SERPINA1: variants seen among roughly 807,000 people sequenced by gnomAD.
SERPINA1 encodes the protein serpin family A member 1.
A neutral mutation model predicts 25.4 loss-of-function variants in SERPINA1; 21 were observed. That is an observed-to-expected ratio of 0.83 (90% CI 0.59 to 1.19). SERPINA1 has a LOEUF of 1.19. SERPINA1 is among the 50% of genes most tolerant of loss of function. The pLI is 0.00. For synonymous variants in SERPINA1, 218 were observed against 211.1 expected, an observed-to-expected ratio of 1.03 and a Z score of -0.29; for missense variants, 546 against 509.0, an observed-to-expected ratio of 1.07 and a Z score of -0.70.
intron 4 of SERPINA1, 74 bp from the exon 5 acceptor site, chr14:94,378,714 C>G: frequency 6.8e-7 from 1 of 1,461,026 alleles, no homozygotes; most frequent in South Asian, 1.2e-5. Flanking sequence ...TGGACACCTC[C>G]CAGGAAGCGC....
At chr14:94,380,388 C>G (rs536083509) in intron 3 of SERPINA1, among the ~76,000 whole-genome samples, 6 of 152,372 alleles carry the variant, frequency 3.9e-5, no homozygotes, top group African/African-American at 1.4e-4. Flanking sequence ...GAAACGCAAG[C>G]CTTCTGCGAA....
rs2230075 is a variant in SERPINA1, at chr14:94,380,969, G to A, written c.819C>T (p.Thr273=). Residue 273 remains threonine, a synonymous_variant, in exon 3 of 5, where the codon ACC becomes ACT. Coordinates refer to ENST00000393087, the MANE Select transcript of SERPINA1 (RefSeq NM_000295.5). The part of the protein sequence containing the change: ...VLLMKYLGNA[T]AIFFLPDEGK... ...CCTCATCAGGCAGGAAGAAGATGGC[G>A]GTGGCATTGCCCAGGTATTTCATCA... 1.7e-5 allele frequency: 28 copies of A among 1,614,158 alleles called. No individual in the cohort carries two copies. The highest frequency in any genetic ancestry group is 2.1e-5 in the Non-Finnish European group (25 of 1,180,028).
intron 1 of SERPINA1, among the ~76,000 whole-genome samples, chr14:94,384,297 G>A (rs1484328583): frequency 6.6e-6 from 1 of 152,152 alleles, no homozygotes; most frequent in East Asian, 1.9e-4. Flanking sequence ...GTTTATGTAT[G>A]AGAATTTAGT....
At chr14:94,386,651 C>A (rs556940814) in intron 1 of SERPINA1, among the ~76,000 whole-genome samples, 1 of 152,280 alleles carries the variant, frequency 6.6e-6, no homozygotes, top group Non-Finnish European at 1.5e-5. Context: ...GAGCTCCTGC[C>A]CGAGAGATGG....
intron 1 of SERPINA1, among the ~76,000 whole-genome samples, chr14:94,387,203 C>G (rs893870391): frequency 5.3e-5 from 8 of 152,210 alleles, no homozygotes; most frequent in Admixed American, 4.6e-4. Context: ...CCAGATTGCT[C>G]CACGTCAACT....
intron 1 of SERPINA1, among the ~76,000 whole-genome samples, chr14:94,386,509 C>A (rs929521384): frequency 6.6e-6 from 1 of 152,180 alleles, no homozygotes; most frequent in East Asian, 1.9e-4. Context: ...TAAATGACTT[C>A]ACTTCTTTGA....
At position 94,381,134 on chromosome 14, in the gene SERPINA1, C is replaced by T. The variant is rs1445192595; in HGVS notation, c.654G>A (p.Trp218Ter). 6.2e-7 allele frequency: 1 copy of T among 1,611,930 alleles called. No individual in the cohort carries two copies. Among genetic ancestry groups the T allele is most frequent in the Non-Finnish European group, 8.5e-7 (1 of 1,179,934 alleles). Residue 218 changes from tryptophan to a stop codon, truncating the protein, a stop_gained, in exon 3 of 5, where the codon TGG becomes TGA. Coordinates refer to ENST00000393087, the MANE Select transcript of SERPINA1 (RefSeq NM_000295.5). LOFTEE classifies it high-confidence loss of function. ...TGTCCTTGACTTCAAAGGGTCTCTC[C>T]CATTTGCCTGGAGAGAGGGGAAGGT... ...LVNYIFFKGK[W>*]ERPFEVKDTE...
chr14:94,382,245 C>T (rs989684749), intron 2 of SERPINA1, among the ~76,000 whole-genome samples: 4 of 152,172 alleles, frequency 2.6e-5, no homozygotes, highest in Non-Finnish European at 4.4e-5. Context: ...ACACTAGAGT[C>T]GTGTAAAGTA....
intron 3 of SERPINA1, 77 bp downstream of exon 3, chr14:94,380,794 A>G: frequency 6.3e-7 from 1 of 1,589,934 alleles, no homozygotes; most frequent in Non-Finnish European, 8.6e-7. Context: ...CCCTCTGGCC[A>G]GTCCTGATGG....
chr14:94,386,188 C>T (rs1897275847), intron 1 of SERPINA1, among the ~76,000 whole-genome samples: 1 of 152,222 alleles, frequency 6.6e-6, no homozygotes, highest in Admixed American at 6.5e-5. Flanking sequence ...AAGTCGCCAT[C>T]TGGCCAAGTA....
At chr14:94,388,635 T>G (rs962570765), upstream of SERPINA1, 7 of 152,294 alleles carry the variant, frequency 4.6e-5, no homozygotes, top group Non-Finnish European at 7.3e-5. Context: ...ATTTAAGCAG[T>G]GGATCCAGAG....
chr14:94,379,517 T>C lies in SERPINA1; in HGVS notation c.1012A>G (p.Asn338Asp). The change falls in exon 4 of 5, where the codon AAT becomes GAT. Residue 338 changes from asparagine to aspartate, a missense_variant. By Grantham distance (23) the Asn-to-Asp change is conservative. Transcript: ENST00000393087. ...GQLGITKVFSNGADLSGVTEE... is the reference protein window; with the variant it reads ...GQLGITKVFSDGADLSGVTEE... ...GTGACCCCGGAGAGGTCAGCCCCAT[T>C]GCTGAAGACCTTAGTGATGCCCAGT... 1.2e-6 allele frequency: 2 copies of C among 1,613,894 alleles called. No homozygotes were observed. Among genetic ancestry groups the C allele is most frequent in the Admixed American group, 1.7e-5 (1 of 59,988 alleles).
At chr14:94,386,675 G>A (rs909339044) in intron 1 of SERPINA1, among the ~76,000 whole-genome samples, 11 of 152,228 alleles carry the variant, frequency 7.2e-5, no homozygotes, top group South Asian at 6.2e-4. Flanking sequence ...ATTTCTTCCC[G>A]GAGAGCCTGC....
Position 94,380,606 on chromosome 14 carries a change from A to G in SERPINA1, c.917+265T>C, listed in dbSNP as rs1243162. 0.22 allele frequency: 119,667 copies of G among 536,720 alleles called. 16,645 individuals carry two copies. The highest frequency in any genetic ancestry group is 0.48 in the African/African-American group (25,359 of 52,428). The allele number at this position is 536,720 out of a possible 1,614,324, so 33.2% of individuals were successfully genotyped here. On this transcript the variant is annotated intron_variant, in intron 3 of 4. Transcript: ENST00000393087. ...TGGGCACTGGATATTGGGAAGGGAC[A>G]GTGTCCACACTGGAGTGGGAAGTCC... is the stretch of plus-strand genomic sequence containing the variant.
Position 94,378,564 on chromosome 14 carries a change from G to T in SERPINA1, c.1142C>A (p.Pro381His). 1 of 1,614,138 alleles carries T rather than the reference G, an allele frequency of 6.2e-7. No homozygotes were observed. Among genetic ancestry groups the T allele is most frequent in the Non-Finnish European group, 8.5e-7 (1 of 1,180,010 alleles). Residue 381 changes from proline (P) to histidine (H), a missense_variant, in exon 5 of 5, where the codon CCC (proline) becomes CAC (histidine). Pro to His is a moderately conservative substitution (Grantham distance 77, BLOSUM62 -2). Coordinates refer to ENST00000393087, the MANE Select transcript of SERPINA1 (RefSeq NM_000295.5). ...AAGAMFLEAI[P>H]MSIPPEVKFN... ...CTTGACCTCGGGGGGGATAGACATG[G>T]GTATGGCCTCTAAAAACATGGCCCC...
Position 94,378,583 on chromosome 14 carries a change from T to C in SERPINA1, c.1123A>G (p.Met375Val). ...DEKGTEAAGA[M>V]FLEAIPMSIP... The stretch of plus-strand genomic sequence containing the variant: ...GACATGGGTATGGCCTCTAAAAACA[T>C]GGCCCCAGCAGCTTCAGTCCCTTTC... The change falls in exon 5 of 5, where the codon ATG (methionine) becomes GTG (valine). Residue 375 changes from methionine to valine, a missense_variant. Coordinates refer to ENST00000393087, the MANE Select transcript of SERPINA1 (RefSeq NM_000295.5). The C allele has an allele frequency of 1.2e-6, 2 of 1,614,028 alleles. No individual in the cohort carries two copies.
intron 3 of SERPINA1, 128 bp from the exon 4 acceptor site, chr14:94,379,739 T>G: frequency 2.3e-6 from 3 of 1,277,144 alleles, no homozygotes; most frequent in Non-Finnish European, 3.3e-6. Flanking sequence ...CCACCCACAC[T>G]AAGATGGGAA....
At chr14:94,382,487 G>T in intron 2 of SERPINA1, 105 bp downstream of exon 2, 1 of 1,333,252 alleles carries the variant, frequency 7.5e-7, no homozygotes, top group Non-Finnish European at 1.1e-6. Flanking sequence ...GAAAAGCATT[G>T]CTATGGCCCA....
intron 1 of SERPINA1, among the ~76,000 whole-genome samples, chr14:94,386,030 C>T (rs1460722383): frequency 6.6e-6 from 1 of 152,194 alleles, no homozygotes; most frequent in Non-Finnish European, 1.5e-5. Context: ...TGACATTGGT[C>T]TCAAGCATCA....
Sources: gnomAD v4.1 joint callset for allele counts (sites outside exome capture counted in the v4.1 genomes callset) on GRCh38, gnomAD v4.1.1 for gene constraint, MANE v1.5 for transcripts, NCBI Gene and HGNC (gene_info 2026-07-23, HGNC 2026-07-21) for gene names.